The following SORCS2 variants were observed in gnomAD, a reference collection of about 807,000 sequenced individuals.
SORCS2 encodes the protein sortilin related VPS10 domain containing receptor 2, also known as VPS10 domain-containing receptor SorCS2.
A neutral mutation model predicts 141.6 loss-of-function variants in SORCS2; 100 were observed. The observed-to-expected ratio is 0.71, with a 90% CI of 0.60 to 0.83. The LOEUF (loss-of-function observed/expected upper bound fraction) is 0.83, where lower values mean the gene tolerates loss of function less well. Among genes scored for constraint, SORCS2 ranks in the 40% least tolerant of loss-of-function variants. The pLI, the probability that SORCS2 is intolerant of heterozygous loss-of-function variation, is 0.00. For missense variants in SORCS2, 1,646 were observed against 1,560.2 expected (o/e 1.05, Z -0.93); for synonymous variants, 789 against 676.9 (o/e 1.17, Z -2.57).
chr4:7,375,086 T>A (rs1253842843), intron 1 of SORCS2, among the ~76,000 whole-genome samples: 1 of 152,152 alleles, frequency 6.6e-6, no homozygotes, highest in Non-Finnish European at 1.5e-5. Context: ...GGTGATTCGA[T>A]GAGAAAGGGA....
chr4:7,378,635 G>A (rs900005669), intron 1 of SORCS2, among the ~76,000 whole-genome samples: 2 of 152,150 alleles, frequency 1.3e-5, no homozygotes, highest in African/African-American at 4.8e-5. Context: ...GGAGATTATT[G>A]CAATTCAAGG....
chr4:7,609,751 C>T (rs564324025), intron 3 of SORCS2, among the ~76,000 whole-genome samples: 6 of 152,328 alleles, frequency 3.9e-5, no homozygotes, highest in East Asian at 3.9e-4. Context: ...CCCCATGACC[C>T]GGGACCTCCG....
intron 2 of SORCS2, among the ~76,000 whole-genome samples, chr4:7,413,350 T>A (rs928221452): frequency 6.6e-6 from 1 of 151,766 alleles, no homozygotes; most frequent in African/African-American, 2.4e-5. Context: ...TTGAATTATG[T>A]ATTAAACATG....
chr4:7,390,009 T>C (rs563609087), intron 1 of SORCS2, among the ~76,000 whole-genome samples: 1 of 152,222 alleles, frequency 6.6e-6, no homozygotes, highest in South Asian at 2.1e-4. Flanking sequence ...TGGGGCTGCC[T>C]GTGGGTCTGC....
At chr4:7,509,481 G>A (rs778874888) in intron 2 of SORCS2, among the ~76,000 whole-genome samples, 4 of 152,160 alleles carry the variant, frequency 2.6e-5, no homozygotes, top group South Asian at 2.1e-4. Flanking sequence ...CAGCCAGGAC[G>A]CATGTGTTGC....
At chr4:7,490,522 GT>G (rs59155977) in intron 2 of SORCS2, among the ~76,000 whole-genome samples, 81,405 of 152,012 alleles carry the variant, frequency 0.54, 22,192 homozygotes, top group African/African-American at 0.65. Context: ...TGCCAGGGAG[GT>G]GGGGCTGCCT....
At chr4:7,466,870 A>C (rs910274752) in intron 2 of SORCS2, among the ~76,000 whole-genome samples, 9 of 151,942 alleles carry the variant, frequency 5.9e-5, no homozygotes, top group African/African-American at 2.2e-4. Flanking sequence ...CTTGACCTCT[A>C]TTTGCCATGT....
chr4:7,389,114 G>C (rs149412239), intron 1 of SORCS2, among the ~76,000 whole-genome samples: 1 of 152,158 alleles, frequency 6.6e-6, no homozygotes, highest in Admixed American at 6.5e-5. Context: ...AAAGCGGCTT[G>C]TTGGTGAACA....
intron 1 of SORCS2, among the ~76,000 whole-genome samples, chr4:7,232,545 C>T (rs560668622): frequency 6.6e-6 from 1 of 152,320 alleles, no homozygotes; most frequent in South Asian, 2.1e-4. Context: ...GCTCTTAATT[C>T]GCTTTCCTGC....
In SORCS2 at chr4:7,676,217, C is replaced by G. The variant is rs529752791; in HGVS notation, c.1329C>G (p.Ile443Met). The G allele has an allele frequency of 2.6e-6, 4 of 1,550,836 alleles. No individual in the cohort carries two copies. The part of the protein sequence containing the change: ...SSRQAEESVL[I>M]DILEVRGVKG... ...GGCAGGCGGAGGAGAGCGTGCTCAT[C>G]GACATCCTGGAGGTGGGTCCAGGGT... The change falls in exon 9 of 27, where the codon ATC becomes ATG. Residue 443 changes from isoleucine to methionine, a missense_variant. Coordinates refer to ENST00000507866, the MANE Select transcript of SORCS2 (RefSeq NM_020777.3).
Position 7,226,936 on chromosome 4 carries a change from C to T in SORCS2, c.480+33810C>T, listed in dbSNP as rs553432879. On this transcript the variant is annotated intron_variant, in intron 1 of 26. Transcript: ENST00000507866. ...ATGCCTTGCTAGCAAGTGAGTTCCT[C>T]GATGCCGCCATGTGGCTGAAGGGCA... Among the ~76,000 whole-genome samples, 19 of 152,340 alleles carry T rather than the reference C, an allele frequency of 1.2e-4. No homozygotes were observed. The South Asian group carries it at 2.1e-3, about 17-fold the overall frequency.
chr4:7,661,887 G>T (rs979177699), intron 6 of SORCS2, among the ~76,000 whole-genome samples: 6 of 152,078 alleles, frequency 3.9e-5, no homozygotes, highest in Middle Eastern at 3.2e-3. Context: ...TGGGGGCACG[G>T]GTGTGCACAC....
chr4:7,282,194 C>A (rs1406653447), intron 1 of SORCS2, among the ~76,000 whole-genome samples: 1 of 152,206 alleles, frequency 6.6e-6, no homozygotes, highest in East Asian at 1.9e-4. Flanking sequence ...CCTATCAGTG[C>A]CGGCTGCTGC....
intron 1 of SORCS2, among the ~76,000 whole-genome samples, chr4:7,231,472 C>A (rs1711878105): frequency 6.6e-6 from 1 of 152,224 alleles, no homozygotes; most frequent in African/African-American, 2.4e-5. Flanking sequence ...CCTGGTAATA[C>A]CATCCACCCA....
chr4:7,624,082 C>G (rs1283985509), intron 3 of SORCS2, among the ~76,000 whole-genome samples: 1 of 152,106 alleles, frequency 6.6e-6, no homozygotes, highest in African/African-American at 2.4e-5. Context: ...GGTCCAGTGC[C>G]CGGCATACAG....
At chr4:7,465,055 C>T (rs192474243) in intron 2 of SORCS2, among the ~76,000 whole-genome samples, 6 of 152,354 alleles carry the variant, frequency 3.9e-5, no homozygotes, top group Non-Finnish European at 2.9e-5. Context: ...ACAAAGCACC[C>T]CCCTTGCAGG....
Position 7,520,425 on chromosome 4 carries a change from A to G in SORCS2, c.549-11105A>G, listed in dbSNP as rs376486740. ...AGGTCATGCCCCTATTTCCATCCCTAAGGTGTCAGTAAAAGCTGCAGGCAG... is the reference window on the plus strand; with the variant it reads ...AGGTCATGCCCCTATTTCCATCCCTGAGGTGTCAGTAAAAGCTGCAGGCAG... On this transcript the variant is annotated intron_variant, in intron 2 of 26. Coordinates refer to ENST00000507866, the MANE Select transcript of SORCS2 (RefSeq NM_020777.3). Among the ~76,000 whole-genome samples, 35 of 152,214 alleles carry G rather than the reference A, an allele frequency of 2.3e-4. No individual in the cohort carries two copies. In the South Asian group the frequency reaches 7.0e-3, roughly 31 times the overall value.
In SORCS2 at chr4:7,373,482, T is replaced by A. The variant is rs1478904510; in HGVS notation, c.481-22806T>A. Among the ~76,000 whole-genome samples, 95 of 18,242 alleles carry A rather than the reference T, an allele frequency of 5.2e-3. 1 individual carries two copies. The highest frequency in any genetic ancestry group is 7.0e-3 in the East Asian group (1 of 142). 12.0% of individuals were successfully genotyped at this position (18,242 alleles called of 152,430 possible). The stretch of plus-strand genomic sequence containing the variant: ...TTTATATATATATATATATATATTT[T>A]TTTTTTTTTTTTTTTTTTTTTTTTG... On this transcript the variant is annotated intron_variant, in intron 1 of 26. Transcript: ENST00000507866.
At chr4:7,688,066 A>G (rs150090336) in intron 10 of SORCS2, among the ~76,000 whole-genome samples, 40 of 152,354 alleles carry the variant, frequency 2.6e-4, no homozygotes, top group African/African-American at 9.1e-4. Context: ...ATCTTATCCA[A>G]GTCAATATCC....
Sources: gnomAD v4.1 joint callset for allele counts (sites outside exome capture counted in the v4.1 genomes callset) on GRCh38, gnomAD v4.1.1 for gene constraint, MANE v1.5 for transcripts, NCBI Gene and HGNC (gene_info 2026-07-23, HGNC 2026-07-21) for gene names.